PXK: variants seen among roughly 807,000 people sequenced by gnomAD.
The protein encoded by PXK is PX domain-containing protein kinase-like protein.
Under a neutral mutation model 84.7 loss-of-function variants are expected in PXK, and 35 were observed. The observed-to-expected ratio is 0.41, with a 90% CI of 0.32 to 0.55. The LOEUF is 0.55. PXK is among the 20% of genes least tolerant of loss of function. The pLI is 0.21. For synonymous variants in PXK, 253 were observed against 260.8 expected (o/e 0.97, Z 0.29); for missense variants, 634 against 699.7 (o/e 0.91, Z 1.06).
At chr3:58,392,666 T>C (rs1310950636) in intron 7 of PXK, among the ~76,000 whole-genome samples, 1 of 11,494 alleles carries the variant, frequency 8.7e-5, no homozygotes, top group Non-Finnish European at 3.4e-4. Flanking sequence ...CTAAATTTCT[T>C]TTTTTTTTTT....
intron 1 of PXK, among the ~76,000 whole-genome samples, chr3:58,357,158 A>G (rs1468687975): frequency 6.6e-6 from 1 of 151,920 alleles, no homozygotes. Context: ...ACACGCCTGT[A>G]GTCCCAGCTA....
chr3:58,397,674 G>C lies in PXK; in HGVS notation c.1054G>C (p.Asp352His). 6.2e-7 allele frequency: 1 copy of C among 1,614,096 alleles called. No individual in the cohort carries two copies. Among genetic ancestry groups the C allele is most frequent in the Non-Finnish European group, 8.5e-7 (1 of 1,179,988 alleles). Reference protein sequence around the residue: ...LYEMTYGRPPDSVPVDSFPPA... With the variant: ...LYEMTYGRPPHSVPVDSFPPA... ...TGAAATGACTTATGGACGACCGCCAGACTCGGTGCCTGTGGACTCCTTCCC... is the reference window on the plus strand; with the variant it reads ...TGAAATGACTTATGGACGACCGCCACACTCGGTGCCTGTGGACTCCTTCCC... The change falls in exon 11 of 18, where the codon GAC becomes CAC. Residue 352 changes from aspartate (D) to histidine (H), a missense_variant. By Grantham distance (81) the Asp-to-His change is moderately conservative (BLOSUM62 -1). Coordinates refer to ENST00000356151, the MANE Select transcript of PXK (RefSeq NM_017771.5). This position sits in a 1 kb window ranked among gnomAD's most constrained non-coding sequence, Gnocchi z 4.7.
chr3:58,391,928 C>A, intron 7 of PXK, 81 bp downstream of exon 7: 1 of 1,313,078 alleles, frequency 7.6e-7, no homozygotes, highest in Non-Finnish European at 1.1e-6. Flanking sequence ...GACAGAAAAG[C>A]TGGAAAACAG....
Position 58,421,414 on chromosome 3 carries a change from GTACTAAAAA to G in PXK, c.1529-3334_1529-3326del, listed in dbSNP as rs1353076112. ...TGGCCAACATGGTGAAACCCCATCT[GTACTAAAAA>G]TACAAAAATTAGGTGGGCATGGTAC... On this transcript the variant is annotated intron_variant, in intron 17 of 17. Coordinates refer to ENST00000356151, the MANE Select transcript of PXK (RefSeq NM_017771.5). The surrounding 1 kb of genome is among the most constrained non-coding windows in gnomAD (Gnocchi z 5.5). 1.2e-6 allele frequency: 1 copy of G among 843,780 alleles called. No homozygotes were observed. The highest frequency in any genetic ancestry group is 1.4e-6 in the Non-Finnish European group (1 of 701,134). 52.3% of individuals were successfully genotyped at this position (843,780 alleles called of 1,614,324 possible).
At position 58,370,724 on chromosome 3, in the gene PXK, C is replaced by T. The variant is rs1277366987; in HGVS notation, c.201+1246C>T. Reference sequence around the variant, plus strand: ...TCAGAAAATAAGCATTTGGGCCACACGTCGTGGCTCACTCCCGTAATCCCA... The same window carrying T: ...TCAGAAAATAAGCATTTGGGCCACATGTCGTGGCTCACTCCCGTAATCCCA... On this transcript the variant is annotated intron_variant, in intron 3 of 17. Coordinates refer to ENST00000356151, the MANE Select transcript of PXK (RefSeq NM_017771.5). The surrounding 1 kb of genome is among the most constrained non-coding windows in gnomAD (Gnocchi z 4.2). Among the ~76,000 whole-genome samples, 1 of 152,156 alleles carries T rather than the reference C, an allele frequency of 6.6e-6. No homozygotes were observed. Among genetic ancestry groups the T allele is most frequent in the African/African-American group, 2.4e-5 (1 of 41,424 alleles).
chr3:58,389,872 G>A (rs2098605893), intron 4 of PXK, among the ~76,000 whole-genome samples: 1 of 151,796 alleles, frequency 6.6e-6, no homozygotes, highest in African/African-American at 2.4e-5. Flanking sequence ...GGTGGCGCAT[G>A]CCTGTAATCC....
chr3:58,367,375 G>C (rs971904048), intron 2 of PXK, among the ~76,000 whole-genome samples: 3 of 151,980 alleles, frequency 2.0e-5, no homozygotes, highest in African/African-American at 7.2e-5. Flanking sequence ...CTCCCGAGTA[G>C]CTGGGACTAC....
In PXK at chr3:58,343,350, C is replaced by T. The variant is rs572994729; in HGVS notation, c.102+10260C>T. On this transcript the variant is annotated intron_variant, in intron 1 of 17. Transcript: ENST00000356151. ...GGCAGCATCAAGCACCCTGCTGGTC[C>T]GTGAGAGCACAGGGAATGGCTGAGT... is the stretch of plus-strand genomic sequence containing the variant. Among the ~76,000 whole-genome samples, 11 of 152,328 alleles carry T rather than the reference C, an allele frequency of 7.2e-5. No individual in the cohort carries two copies. The South Asian group carries it at 1.9e-3, about 26-fold the overall frequency.
intron 1 of PXK, among the ~76,000 whole-genome samples, chr3:58,363,197 A>G (rs897665250): frequency 6.6e-6 from 1 of 152,228 alleles, no homozygotes; most frequent in Non-Finnish European, 1.5e-5. Flanking sequence ...TGCATGTTTT[A>G]GATTTCCCTC....
At chr3:58,382,996 A>G (rs959170830) in intron 4 of PXK, among the ~76,000 whole-genome samples, 1 of 152,232 alleles carries the variant, frequency 6.6e-6, no homozygotes, top group African/African-American at 2.4e-5. Context: ...ACAGAGAGTA[A>G]GTAATCTACA....
In PXK at chr3:58,411,584, A is replaced by G. The variant is rs2060211290; in HGVS notation, c.1466-1317A>G. 6.6e-6 allele frequency among the ~76,000 whole-genome samples: 1 copy of G among 152,260 alleles called. No individual in the cohort carries two copies. Among genetic ancestry groups the G allele is most frequent in the Non-Finnish European group, 1.5e-5 (1 of 68,012 alleles). ...TTCTGTCCAGTAGCTAATTTTTTAT[A>G]GAGCAGAGAAAGCCTGACAGTGTGC... On this transcript the variant is annotated intron_variant, in intron 16 of 17. Coordinates refer to ENST00000356151, the MANE Select transcript of PXK (RefSeq NM_017771.5). The surrounding 1 kb of genome is among the most constrained non-coding windows in gnomAD (Gnocchi z 4.2).
At position 58,399,888 on chromosome 3, in the gene PXK, C is replaced by T. The variant is rs2058302714; in HGVS notation, c.1181+511C>T. ...CTATTTATTAAACTCTAGCATGTAC[C>T]AGGCACTGTTCTAGGGTCTTGGAGC... On this transcript the variant is annotated intron_variant, in intron 12 of 17. Coordinates refer to ENST00000356151, the MANE Select transcript of PXK (RefSeq NM_017771.5). The surrounding 1 kb of genome is among the most constrained non-coding windows in gnomAD (Gnocchi z 4.3). Among the ~76,000 whole-genome samples, 1 of 152,030 alleles carries T rather than the reference C, an allele frequency of 6.6e-6. No homozygotes were observed. Among genetic ancestry groups the T allele is most frequent in the Admixed American group, 6.6e-5 (1 of 15,254 alleles).
chr3:58,408,721 A>G lies in PXK; in HGVS notation c.1231-203A>G, dbSNP rs560183197. Among the ~76,000 whole-genome samples, 6 of 152,052 alleles carry G rather than the reference A, an allele frequency of 3.9e-5. No individual in the cohort carries two copies. The East Asian group carries it at 1.2e-3, about 29-fold the overall frequency. On this transcript the variant is annotated intron_variant, in intron 13 of 17. Coordinates refer to ENST00000356151, the MANE Select transcript of PXK (RefSeq NM_017771.5). ...GTATTTTTAGTAGAGATGGGATTTC[A>G]CCGTGTTAGCCAGGATGGTCTCCAT...
chr3:58,372,484 G>T (rs985197005), intron 3 of PXK, among the ~76,000 whole-genome samples: 3 of 151,712 alleles, frequency 2.0e-5, no homozygotes, highest in African/African-American at 7.3e-5. Flanking sequence ...CACCACGCCC[G>T]GCTAATTTTT....
chr3:58,353,089 C>T (rs891272516), intron 1 of PXK, among the ~76,000 whole-genome samples: 5 of 151,954 alleles, frequency 3.3e-5, no homozygotes, highest in South Asian at 2.1e-4. Flanking sequence ...CTCCGCCTCC[C>T]GGATTCACGC....
chr3:58,345,242 GC>G (rs1287528787), intron 1 of PXK, among the ~76,000 whole-genome samples: 3 of 152,120 alleles, frequency 2.0e-5, no homozygotes, highest in African/African-American at 2.4e-5. Context: ...TAACAGAGGA[GC>G]CAGCATTTTA....
intron 4 of PXK, among the ~76,000 whole-genome samples, chr3:58,386,430 G>A (rs138215227): frequency 0.029 from 4,369 of 150,960 alleles, 95 homozygotes; most frequent in Non-Finnish European, 0.049. Context: ...GAGTAGCTGG[G>A]ATTACAAGCA....
chr3:58,337,076 C>G (rs570263376), intron 1 of PXK, among the ~76,000 whole-genome samples: 41 of 152,272 alleles, frequency 2.7e-4, no homozygotes, highest in African/African-American at 9.4e-4. Flanking sequence ...TCCTAAGGCG[C>G]AGGGATTACA....
In PXK at chr3:58,384,111, A is replaced by G. The variant is rs74694696; in HGVS notation, c.388+1411A>G. 1.6e-3 allele frequency among the ~76,000 whole-genome samples: 243 copies of G among 152,280 alleles called. 10 individuals carry two copies. The East Asian group carries it at 0.042, about 26-fold the overall frequency. ...AGCTTGTAGTCTGTAAAGCTTCCCA[A>G]GTGATTCCAATATGGAGCCAAGTTT... On this transcript the variant is annotated intron_variant, in intron 4 of 17. Coordinates refer to ENST00000356151, the MANE Select transcript of PXK (RefSeq NM_017771.5).
Sources: allele counts gnomAD v4.1 joint callset (sites outside exome capture counted in the v4.1 genomes callset), GRCh38; gene constraint gnomAD v4.1.1; non-coding constraint Gnocchi (gnomAD v3.1); transcripts MANE v1.5; gene names NCBI Gene and HGNC (gene_info 2026-07-23, HGNC 2026-07-21).